The following ANAPC5 variants were observed in gnomAD, a reference collection of about 807,000 sequenced individuals.
ANAPC5 encodes the protein anaphase promoting complex subunit 5, also known as anaphase-promoting complex subunit 5.
Under a neutral mutation model 91.3 loss-of-function variants are expected in ANAPC5, and 60 were observed. That is an observed-to-expected ratio of 0.66 (90% confidence interval 0.53 to 0.81). The LOEUF is 0.81. ANAPC5 is among the 40% of genes least tolerant of loss of function. The pLI is 0.00. For synonymous variants in ANAPC5, 340 were observed against 364.1 expected (o/e 0.93, Z 0.75); for missense variants, 690 against 931.5 (o/e 0.74, Z 3.37).
chr12:121,308,750 A>AT (rs1428368767), intron 16 of ANAPC5, 59 bp from the exon 17 acceptor site: 67 of 1,328,320 alleles, frequency 5.0e-5, no homozygotes, highest in Admixed American at 6.8e-5. Context: ...TATAGTTTTC[A>AT]AAACGTGGTA....
At position 121,316,140 on chromosome 12, in the gene ANAPC5, T is replaced by C. The variant is rs150628928; in HGVS notation, c.1893+2137A>G. 3.0e-3 allele frequency among the ~76,000 whole-genome samples: 450 copies of C among 152,268 alleles called. 4 individuals are homozygous for C. Among genetic ancestry groups the C allele is most frequent in the African/African-American group, 0.01 (430 of 41,562 alleles). ...TTAAAAAACAGGTAAAGGATCGGAATAGACGTTTCTCCAAAGAACATATGC... is the reference window on the plus strand; with the variant it reads ...TTAAAAAACAGGTAAAGGATCGGAACAGACGTTTCTCCAAAGAACATATGC... On this transcript the variant is annotated intron_variant, in intron 15 of 16. Coordinates refer to ENST00000261819, the MANE Select transcript of ANAPC5 (RefSeq NM_016237.5).
At chr12:121,353,910 C>T (rs1417423917), upstream of ANAPC5, among the ~76,000 whole-genome samples, 7 of 151,880 alleles carry the variant, frequency 4.6e-5, no homozygotes, top group Admixed American at 3.9e-4. Flanking sequence ...CTCAGGAATG[C>T]CAGGCTCAAG....
At chr12:121,324,289 T>G (rs1244540153) in intron 11 of ANAPC5, among the ~76,000 whole-genome samples, 2 of 151,818 alleles carry the variant, frequency 1.3e-5, no homozygotes, top group African/African-American at 4.8e-5. Flanking sequence ...TATATATATA[T>G]CCACACGGTT....
intron 7 of ANAPC5, chr12:121,332,565 G>A (rs1555273024): frequency 7.8e-6 from 1 of 127,982 alleles, no homozygotes; most frequent in Admixed American, 9.9e-5. Flanking sequence ...CCTGATATAA[G>A]CTCTATAACA....
chr12:121,310,044 A>G, intron 15 of ANAPC5, 181 bp from the exon 16 acceptor site: 1 of 482,544 alleles, frequency 2.1e-6, no homozygotes, highest in Non-Finnish European at 3.5e-6. Context: ...ATCTGATTTC[A>G]GACTATGACA....
chr12:121,323,334 T>A (rs1026123891), intron 11 of ANAPC5, among the ~76,000 whole-genome samples: 2 of 151,018 alleles, frequency 1.3e-5, no homozygotes, highest in African/African-American at 4.9e-5. Context: ...ATGTTTATCT[T>A]TTTTTTTTGA....
chr12:121,339,879 T>TG (rs1305410529), intron 5 of ANAPC5, among the ~76,000 whole-genome samples: 1 of 149,210 alleles, frequency 6.7e-6, no homozygotes. Flanking sequence ...TTTTTTTTTT[T>TG]TTTTTTTTTT....
intron 10 of ANAPC5, chr12:121,327,873 G>C (rs1254273717): frequency 6.3e-6 from 1 of 158,600 alleles, no homozygotes; most frequent in African/African-American, 2.4e-5. Context: ...TTACACAATA[G>C]TTTTGGGGTT....
chr12:121,316,558 C>T (rs749575108), intron 15 of ANAPC5, among the ~76,000 whole-genome samples: 3 of 151,702 alleles, frequency 2.0e-5, no homozygotes, highest in Admixed American at 6.6e-5. Context: ...ACAGTGAAAC[C>T]CCATCTCTAC....
chr12:121,353,435 C>CTTTTGTTTTG (rs61516038), upstream of ANAPC5, among the ~76,000 whole-genome samples: 87,762 of 150,848 alleles, frequency 0.58, 29,634 homozygotes, highest in Non-Finnish European at 0.73. Flanking sequence ...TGCCTTGTGC[C>CTTTTGTTTTG]TTTTGTTTTG....
chr12:121,352,157 G>A lies in ANAPC5; in HGVS notation c.184C>T (p.Gln62Ter). The change falls in exon 1 of 17, where the codon CAG (glutamine) becomes TAG (stop). Residue 62 changes from glutamine to a stop codon, truncating the protein, a stop_gained. Coordinates refer to ENST00000261819, the MANE Select transcript of ANAPC5 (RefSeq NM_016237.5). LOFTEE classifies it high-confidence loss of function. ...VSLMERRRLN[Q>*]LLLPLLQGPD... ...ACCTGCAGCAGGGGCAGGAGCAGCT[G>A]GTTGAGCCTCCGCCGCTCCATGAGG... 1 of 1,611,678 alleles carries A rather than the reference G, an allele frequency of 6.2e-7. No homozygotes were observed. Among genetic ancestry groups the A allele is most frequent in the Non-Finnish European group, 8.5e-7 (1 of 1,178,366 alleles).
At chr12:121,321,531 C>CG (rs1902609451) in intron 11 of ANAPC5, among the ~76,000 whole-genome samples, 3 of 132,748 alleles carry the variant, frequency 2.3e-5, no homozygotes, top group Non-Finnish European at 4.5e-5. Flanking sequence ...TATACAAAAT[C>CG]CTTTTTTTTT....
chr12:121,314,884 CA>C (rs1902295804), intron 15 of ANAPC5, among the ~76,000 whole-genome samples: 1 of 151,994 alleles, frequency 6.6e-6, no homozygotes, highest in Admixed American at 6.6e-5. Context: ...GCCTTGGCCT[CA>C]AAAAGTGCTG....
At chr12:121,353,807 TG>T, upstream of ANAPC5, among the ~76,000 whole-genome samples, 1 of 152,094 alleles carries the variant, frequency 6.6e-6, no homozygotes, top group African/African-American at 2.4e-5. Flanking sequence ...CTACCGAGGC[TG>T]GACTGCAGTG....
intron 11 of ANAPC5, chr12:121,326,263 G>A (rs1281424884): frequency 6.6e-6 from 1 of 152,220 alleles, no homozygotes; most frequent in Non-Finnish European, 1.5e-5. Flanking sequence ...ATTAGGGAAT[G>A]TTGAGTGTTA....
chr12:121,327,536 C>T (rs782118615), intron 10 of ANAPC5: 12 of 331,864 alleles, frequency 3.6e-5, no homozygotes, highest in South Asian at 1.0e-4. Flanking sequence ...TTAGTTTTCA[C>T]GGGTGAATTC....
chr12:121,331,834 TTTTATG>T (rs1903053095), intron 7 of ANAPC5: 1 of 155,294 alleles, frequency 6.4e-6, no homozygotes, highest in Non-Finnish European at 1.4e-5. Flanking sequence ...TCAAAATCAC[TTTTATG>T]TTTGTTTGTT....
At chr12:121,320,642 A>G (rs1427492693) in intron 11 of ANAPC5, 183 bp from the exon 12 acceptor site, 2 of 437,878 alleles carry the variant, frequency 4.6e-6, no homozygotes, top group Non-Finnish European at 8.2e-6. Context: ...CTCGCTCTGT[A>G]GCCCTGCTGG....
rs1316015885 is a variant in ANAPC5, at chr12:121,342,034, T to C, written c.626A>G (p.Gln209Arg). 1 of 1,610,144 alleles carries C rather than the reference T, an allele frequency of 6.2e-7. No individual in the cohort carries two copies. Among genetic ancestry groups the C allele is most frequent in the East Asian group, 2.2e-5 (1 of 44,850 alleles). The change falls in exon 5 of 17, where the codon CAA becomes CGA. Residue 209 changes from glutamine (Q) to arginine (R), a missense_variant. Around this residue, in one of 5 missense-constraint regions of ANAPC5, gnomAD observed 238 missense variants for 264.9 expected, o/e 0.90. Transcript: ENST00000261819. The surrounding 1 kb of genome is among the most constrained non-coding windows in gnomAD (Gnocchi z 4.1). ...AGAAAGAAAAAATTCTGCTTGTTTT[T>C]GGGACAGAGGCCCACTGCAAGATAC... Reference protein sequence around the residue: ...EEVSCSGPLSQKQAEFFLSQQ... With the variant: ...EEVSCSGPLSRKQAEFFLSQQ...
Sources: gnomAD v4.1 joint callset for allele counts (sites outside exome capture counted in the v4.1 genomes callset) on GRCh38, gnomAD v4.1.1 for gene constraint, gnomAD v4.1.1 regional missense constraint, Gnocchi (gnomAD v3.1) non-coding constraint, MANE v1.5 for transcripts, NCBI Gene and HGNC (gene_info 2026-07-23, HGNC 2026-07-21) for gene names.